The following KATNAL2 variants were observed in gnomAD, a reference collection of about 807,000 sequenced individuals.
KATNAL2 encodes the protein katanin catalytic subunit A1 like 2.
Under a neutral mutation model 76.3 loss-of-function variants are expected in KATNAL2, and 52 were observed. That is an observed-to-expected ratio of 0.68 (90% CI 0.55 to 0.86). The LOEUF is 0.86. KATNAL2 is among the 40% of genes least tolerant of loss of function. The pLI, the probability that KATNAL2 is intolerant of heterozygous loss-of-function variation, is 0.00. For synonymous variants in KATNAL2, 243 were observed against 244.2 expected (o/e 1.00, Z 0.05); for missense variants, 660 against 668.9 (o/e 0.99, Z 0.15).
chr18:46,930,004 A>C (rs551191990), intron 1 of KATNAL2, among the ~76,000 whole-genome samples: 1 of 152,168 alleles, frequency 6.6e-6, no homozygotes, highest in South Asian at 2.1e-4. Flanking sequence ...CGAACACTTG[A>C]CATCAGGTGA....
intron 3 of KATNAL2, among the ~76,000 whole-genome samples, chr18:46,957,342 C>T (rs965954026): frequency 4.0e-5 from 6 of 150,582 alleles, no homozygotes; most frequent in Middle Eastern, 3.5e-3. Flanking sequence ...CAGGCTCCGC[C>T]CCCCGGGGTT....
intron 1 of KATNAL2, among the ~76,000 whole-genome samples, chr18:46,932,883 A>T (rs1191933911): frequency 1.3e-5 from 2 of 151,080 alleles, no homozygotes; most frequent in East Asian, 4.0e-4. Context: ...TCCTGCCTCA[A>T]CCTCCTTAGT....
chr18:46,921,221 C>T (rs988059642), intron 1 of KATNAL2, among the ~76,000 whole-genome samples: 9 of 152,264 alleles, frequency 5.9e-5, no homozygotes, highest in East Asian at 1.9e-4. Flanking sequence ...TCTGCCCCCC[C>T]GAATTTAAGC....
At chr18:47,048,831 T>TTC (rs1194387333) in intron 4 of KATNAL2, among the ~76,000 whole-genome samples, 5 of 133,890 alleles carry the variant, frequency 3.7e-5, no homozygotes, top group African/African-American at 1.5e-4. Context: ...CCAGACTCTT[T>TTC]TTTTTTTTTT....
intron 3 of KATNAL2, 101 bp from the exon 4 acceptor site, chr18:47,046,356 C>G (rs745410957): frequency 2.1e-5 from 16 of 759,964 alleles, no homozygotes; most frequent in Admixed American, 1.1e-4. Context: ...TTAAGTCATG[C>G]TGCTTGGCTT....
Position 46,946,504 on chromosome 18 carries a change from G to T in KATNAL2, c.-62G>T. 2.0e-6 allele frequency: 2 copies of T among 985,440 alleles called. No homozygotes were observed. The highest frequency in any genetic ancestry group is 2.4e-6 in the Non-Finnish European group (2 of 829,920). 61.0% of individuals were successfully genotyped at this position (985,440 alleles called of 1,614,324 possible). On this transcript the variant is annotated 5_prime_UTR_variant, in exon 2 of 18. Transcript: ENST00000683218. ...GTCTTGGGTATAGAAGCATTGGGTC[G>T]CAAAGACCTGAACAACGGCTGAAAT...
chr18:47,059,497 C>T lies in KATNAL2; in HGVS notation c.451-59C>T, dbSNP rs1408233261. The stretch of plus-strand genomic sequence containing the variant: ...CTTTGCTTGATGGAGTAGGCAGGTA[C>T]ATCCAGCAACTCTCCATGGCTGCTC... On this transcript the variant is annotated intron_variant, in intron 7 of 17. Transcript: ENST00000683218. The T allele has an allele frequency of 6.9e-6, 8 of 1,166,942 alleles. No individual in the cohort carries two copies. In the African/African-American group the frequency reaches 1.2e-4, roughly 18 times the overall value. The allele number at this position is 1,166,942 out of a possible 1,614,324, so 72.3% of individuals were successfully genotyped here.
chr18:47,033,838 G>C (rs376146729), intron 3 of KATNAL2: 33 of 1,614,046 alleles, frequency 2.0e-5, no homozygotes, highest in Non-Finnish European at 2.7e-5. Flanking sequence ...ATCCGAAAGC[G>C]GATCGTAGTT....
chr18:46,925,505 T>G lies in KATNAL2; in HGVS notation c.-510+7579T>G, dbSNP rs769818594. Among the ~76,000 whole-genome samples, 190 of 152,358 alleles carry G rather than the reference T, an allele frequency of 1.2e-3. 1 individual carries two copies. Among genetic ancestry groups the G allele is most frequent in the Non-Finnish European group, 2.4e-3 (160 of 68,032 alleles). On this transcript the variant is annotated intron_variant, in intron 1 of 17. Transcript: ENST00000683218. Reference sequence around the variant, plus strand: ...TTGCCAGTATTTTATTGAGGATTTTTGCATCAGTGTTCATCAAGGATATTG... The same window carrying G: ...TTGCCAGTATTTTATTGAGGATTTTGGCATCAGTGTTCATCAAGGATATTG...
At chr18:46,951,613 A>G (rs1352294133) in intron 3 of KATNAL2, among the ~76,000 whole-genome samples, 1 of 151,818 alleles carries the variant, frequency 6.6e-6, no homozygotes, top group African/African-American at 2.4e-5. Flanking sequence ...GTAGTGAAAC[A>G]TATCAACCAA....
intron 3 of KATNAL2, among the ~76,000 whole-genome samples, chr18:46,949,514 T>TCGGATTA (rs1204545142): frequency 1.3e-5 from 2 of 152,244 alleles, no homozygotes; most frequent in Non-Finnish European, 2.9e-5. Flanking sequence ...CCCAAAGTCC[T>TCGGATTA]CGGATTACAA....
intron 3 of KATNAL2, chr18:47,035,508 C>G: frequency 1.3e-6 from 1 of 769,878 alleles, no homozygotes; most frequent in African/African-American, 1.8e-5. Context: ...GAGCCACAGC[C>G]TGGAGTGACC....
intron 7 of KATNAL2, among the ~76,000 whole-genome samples, chr18:47,058,804 G>A (rs2061543336): frequency 6.6e-6 from 1 of 152,156 alleles, no homozygotes; most frequent in African/African-American, 2.4e-5. Context: ...TGGGTCTCAA[G>A]GTCTCCTGTT....
At chr18:47,046,320 A>G (rs1356960700) in intron 3 of KATNAL2, 137 bp from the exon 4 acceptor site, 5 of 638,434 alleles carry the variant, frequency 7.8e-6, no homozygotes, top group Non-Finnish European at 1.4e-5. Context: ...ATATGTCCTT[A>G]GAGACTTCAA....
At chr18:47,063,140 T>C (rs758362964) in intron 9 of KATNAL2, 70 bp downstream of exon 9, 4 of 1,494,904 alleles carry the variant, frequency 2.7e-6, no homozygotes, top group Non-Finnish European at 3.7e-6. Context: ...AAATATAATT[T>C]TGAGTACAGT....
chr18:46,950,872 C>G (rs974957930), intron 3 of KATNAL2, among the ~76,000 whole-genome samples: 1 of 152,096 alleles, frequency 6.6e-6, no homozygotes, highest in Admixed American at 6.6e-5. Context: ...TTAGTAGAGA[C>G]GGAGTTTCTC....
chr18:46,950,945 A>G (rs2059535405), intron 3 of KATNAL2, among the ~76,000 whole-genome samples: 1 of 152,062 alleles, frequency 6.6e-6, no homozygotes, highest in Non-Finnish European at 1.5e-5. Flanking sequence ...CGGCCTCCCA[A>G]AGTGCTGGGA....
intron 1 of KATNAL2, among the ~76,000 whole-genome samples, chr18:46,921,056 C>G (rs1322569910): frequency 6.6e-6 from 1 of 152,198 alleles, no homozygotes; most frequent in Admixed American, 6.6e-5. Flanking sequence ...CTTAAAATGG[C>G]TCCAAATTAG....
At chr18:47,079,890 T>G (rs2062425973) in intron 15 of KATNAL2, among the ~76,000 whole-genome samples, 1 of 152,136 alleles carries the variant, frequency 6.6e-6, no homozygotes, top group Non-Finnish European at 1.5e-5. Flanking sequence ...TATCTAGAGG[T>G]ATGTGATGTC....
Sources: gnomAD v4.1 joint callset for allele counts (sites outside exome capture counted in the v4.1 genomes callset) on GRCh38, gnomAD v4.1.1 for gene constraint, MANE v1.5 for transcripts, NCBI Gene and HGNC (gene_info 2026-07-23, HGNC 2026-07-21) for gene names.